The following FBN2 variants were observed in gnomAD, a reference collection of about 807,000 sequenced individuals.
FBN2 encodes the protein fibrillin-2.
A neutral mutation model predicts 355.6 loss-of-function variants in FBN2; 105 were observed. The ratio of observed to expected loss-of-function variants is 0.30; its 90% confidence interval spans 0.25 to 0.35. The LOEUF is 0.35. Ranked by LOEUF, FBN2 falls within the 10% of genes least tolerant of loss-of-function variation. The pLI is 1.00. For synonymous variants in FBN2, 1,350 were observed against 1,301.2 expected (o/e 1.04, Z -0.81); for missense variants, 3,280 against 3,758.7 (o/e 0.87, Z 3.33).
chr5:128,297,095 A>T (rs1297165669), intron 48 of FBN2, among the ~76,000 whole-genome samples: 1 of 151,868 alleles, frequency 6.6e-6, no homozygotes, highest in Non-Finnish European at 1.5e-5. Flanking sequence ...TTCGTTATGT[A>T]CCCAGTAGTC....
At chr5:128,277,810 A>T (rs1765432734) in intron 58 of FBN2, 70 bp downstream of exon 58, 1 of 1,499,648 alleles carries the variant, frequency 6.7e-7, no homozygotes, top group African/African-American at 1.4e-5. Flanking sequence ...TCTACTGATA[A>T]TGAGTGACTT....
intron 36 of FBN2, among the ~76,000 whole-genome samples, chr5:128,317,724 A>G (rs922179088): frequency 2.0e-5 from 3 of 152,168 alleles, no homozygotes; most frequent in Non-Finnish European, 4.4e-5. Flanking sequence ...CTTCTGCTCC[A>G]ATGGTTTGGC....
chr5:128,369,047 A>C, intron 16 of FBN2, 135 bp downstream of exon 16: 1 of 875,338 alleles, frequency 1.1e-6, no homozygotes, highest in Non-Finnish European at 1.9e-6. Context: ...CTCACATATC[A>C]ATACAGGATT....
intron 30 of FBN2, 74 bp downstream of exon 30, chr5:128,335,096 A>C (rs1750799092): frequency 1.3e-6 from 2 of 1,592,700 alleles, no homozygotes; most frequent in Non-Finnish European, 1.7e-6. Context: ...CCTTCCTTTT[A>C]TCACGCTTGT....
intron 27 of FBN2, among the ~76,000 whole-genome samples, chr5:128,337,144 C>G (rs1288463573): frequency 1.3e-5 from 2 of 152,058 alleles, no homozygotes; most frequent in African/African-American, 4.8e-5. Context: ...GCCTTTTGTA[C>G]CGCTATTAAA....
intron 9 of FBN2, 40 bp from the exon 10 acceptor site, chr5:128,393,408 T>C (rs764520227): frequency 1.9e-6 from 3 of 1,544,494 alleles, no homozygotes; most frequent in Middle Eastern, 3.4e-4. Context: ...CAGGTGAATG[T>C]CTTTCTGCAT....
chr5:128,324,694 T>G lies in FBN2; in HGVS notation c.4471+4002A>C, dbSNP rs963387462. On this transcript the variant is annotated intron_variant, in intron 34 of 64. Coordinates refer to ENST00000262464, the MANE Select transcript of FBN2 (RefSeq NM_001999.4). ...GTGCAGTGGCGTGATCTCGGCTCAC[T>G]GCAAGCTCTGCCTCCCGGGTTCACG... 7.3e-5 allele frequency among the ~76,000 whole-genome samples: 11 copies of G among 151,602 alleles called. No individual in the cohort carries two copies. In the East Asian group the frequency reaches 2.1e-3, roughly 30 times the overall value.
chr5:128,505,388 G>A (rs1755928421), intron 5 of FBN2, among the ~76,000 whole-genome samples: 1 of 152,166 alleles, frequency 6.6e-6, no homozygotes, highest in African/African-American at 2.4e-5. Flanking sequence ...TATGTGGCCA[G>A]AAGCATTAAT....
rs891464858 is a variant in FBN2, at chr5:128,294,363, T to C, written c.6167-2709A>G. On this transcript the variant is annotated intron_variant, in intron 48 of 64. Coordinates refer to ENST00000262464, the MANE Select transcript of FBN2 (RefSeq NM_001999.4). The stretch of plus-strand genomic sequence containing the variant: ...TTTGGGTATATACCCAGTAATGGGA[T>C]GGCTGGGTCAAATGGTACTTCTAGT... 7.3e-4 allele frequency among the ~76,000 whole-genome samples: 111 copies of C among 152,222 alleles called. 1 individual carries two copies. Among genetic ancestry groups the C allele is most frequent in the African/African-American group, 2.4e-3 (98 of 41,532 alleles).
At chr5:128,340,020 T>A (rs1379229634) in intron 25 of FBN2, among the ~76,000 whole-genome samples, 1 of 152,204 alleles carries the variant, frequency 6.6e-6, no homozygotes, top group Non-Finnish European at 1.5e-5. Context: ...TATATTACAG[T>A]AAATAATCTT....
chr5:128,467,773 A>C (rs1754752373), intron 5 of FBN2, among the ~76,000 whole-genome samples: 1 of 152,190 alleles, frequency 6.6e-6, no homozygotes, highest in South Asian at 2.1e-4. Context: ...ATGACCAAGA[A>C]AATTTTGTTA....
At chr5:128,483,320 A>C (rs1167261698) in intron 5 of FBN2, among the ~76,000 whole-genome samples, 1 of 152,178 alleles carries the variant, frequency 6.6e-6, no homozygotes, top group African/African-American at 2.4e-5. Context: ...AAAAGTTGAA[A>C]TTATAAAAAT....
At chr5:128,346,837 A>G (rs1345742153) in intron 23 of FBN2, among the ~76,000 whole-genome samples, 1 of 152,186 alleles carries the variant, frequency 6.6e-6, no homozygotes, top group Non-Finnish European at 1.5e-5. Context: ...TACCTGAGAA[A>G]AAGTCCTATT....
At chr5:128,398,914 C>T (rs1358906653) in intron 8 of FBN2, among the ~76,000 whole-genome samples, 2 of 152,172 alleles carry the variant, frequency 1.3e-5, no homozygotes, top group African/African-American at 2.4e-5. Context: ...GTGAGTCGTG[C>T]CTTTCACCTT....
chr5:128,396,192 G>A (rs1451511268), intron 8 of FBN2, among the ~76,000 whole-genome samples: 1 of 152,156 alleles, frequency 6.6e-6, no homozygotes, highest in Non-Finnish European at 1.5e-5. Context: ...CATTTCCTAA[G>A]TTTTTGACTT....
chr5:128,380,087 G>C (rs1172068466), intron 11 of FBN2, among the ~76,000 whole-genome samples: 2 of 151,896 alleles, frequency 1.3e-5, no homozygotes, highest in Non-Finnish European at 2.9e-5. Flanking sequence ...AAGAATAACA[G>C]GACTAAATCC....
intron 55 of FBN2, among the ~76,000 whole-genome samples, chr5:128,280,877 CA>C (rs1765521971): frequency 1.3e-5 from 2 of 152,146 alleles, no homozygotes; most frequent in Admixed American, 1.3e-4. Flanking sequence ...CCTACTTCAA[CA>C]AAATTGTTTT....
chr5:128,535,442 G>A (rs1156524397), intron 2 of FBN2, among the ~76,000 whole-genome samples: 2 of 152,112 alleles, frequency 1.3e-5, no homozygotes, highest in African/African-American at 2.4e-5. Flanking sequence ...GGAGAACATG[G>A]AGGTCAATCT....
intron 8 of FBN2, among the ~76,000 whole-genome samples, chr5:128,403,568 A>G (rs1265574667): frequency 2.6e-5 from 4 of 152,184 alleles, no homozygotes; most frequent in African/African-American, 7.2e-5. Context: ...CTGTGCCTAT[A>G]TAACAATGTG....
Sources: allele counts gnomAD v4.1 joint callset (sites outside exome capture counted in the v4.1 genomes callset), GRCh38; gene constraint gnomAD v4.1.1; transcripts MANE v1.5; gene names NCBI Gene and HGNC (gene_info 2026-07-23, HGNC 2026-07-21).